Variants in DNAAF11 observed in about 807,000 individuals in gnomAD.
The protein encoded by DNAAF11 is dynein axonemal assembly factor 11.
DNAAF11 carries 45 observed loss-of-function variants against 60.8 expected under a neutral mutation model. That is an observed-to-expected ratio of 0.74 (90% confidence interval 0.58 to 0.95). The LOEUF (loss-of-function observed/expected upper bound fraction) is 0.95. Ranked by LOEUF, DNAAF11 falls within the 40% of genes least tolerant of loss-of-function variation. The pLI is 0.00. For missense variants in DNAAF11, 546 were observed against 546.2 expected (o/e 1.00, Z 0.00); for synonymous variants, 191 against 183.5 (o/e 1.04, Z -0.33).
chr8:132,625,021 T>A (rs1371151465), intron 6 of DNAAF11, among the ~76,000 whole-genome samples: 3 of 152,146 alleles, frequency 2.0e-5, no homozygotes, highest in Non-Finnish European at 4.4e-5. Context: ...ATATTAAAAG[T>A]GGTAAAAAGC....
intron 10 of DNAAF11, among the ~76,000 whole-genome samples, chr8:132,595,629 G>A (rs1204244749): frequency 6.6e-6 from 1 of 152,036 alleles, no homozygotes; most frequent in East Asian, 1.9e-4. Context: ...CCTGAGCACA[G>A]ACAAAAGACT....
chr8:132,641,344 C>T (rs1345591850), intron 3 of DNAAF11, among the ~76,000 whole-genome samples: 1 of 152,138 alleles, frequency 6.6e-6, no homozygotes, highest in Non-Finnish European at 1.5e-5. Flanking sequence ...ATTTTGTGTA[C>T]ATCCTTTGTC....
At chr8:132,675,191 C>T (rs925518889) in intron 1 of DNAAF11, 6 of 401,808 alleles carry the variant, frequency 1.5e-5, no homozygotes, top group African/African-American at 6.2e-5. Context: ...CCTGCACGTT[C>T]CCCGACCCCT....
rs559677169 is a variant in DNAAF11 at position 132,672,254 on chromosome 8, T to C, written c.10+3230A>G. ...CAGTAATACAAAATGCATTCAATAGTATAAAATTTAAGAATAAAGACACTA... is the reference window on the plus strand; with the variant it reads ...CAGTAATACAAAATGCATTCAATAGCATAAAATTTAAGAATAAAGACACTA... On this transcript the variant is annotated intron_variant, in intron 1 of 11. Transcript: ENST00000620350. Among the ~76,000 whole-genome samples, 269 of 152,236 alleles carry C rather than the reference T, an allele frequency of 1.8e-3. 1 individual carries two copies. Among genetic ancestry groups the C allele is most frequent in the African/African-American group, 4.8e-3 (200 of 41,542 alleles).
chr8:132,578,237 C>T (rs35804622), intron 11 of DNAAF11, among the ~76,000 whole-genome samples: 25,833 of 152,034 alleles, frequency 0.17, 3,557 homozygotes, highest in African/African-American at 0.38. Flanking sequence ...TTAGCTAGTA[C>T]ATTGTTATCT....
intron 10 of DNAAF11, among the ~76,000 whole-genome samples, chr8:132,589,141 GT>G (rs965609975): frequency 6.6e-6 from 1 of 152,170 alleles, no homozygotes; most frequent in African/African-American, 2.4e-5. Flanking sequence ...GGGCTGTGAG[GT>G]TTGATATGAA....
At position 132,627,929 on chromosome 8, in the gene DNAAF11, G is replaced by A. The variant is rs1008735727; in HGVS notation, c.654-2475C>T. 2.0e-5 allele frequency among the ~76,000 whole-genome samples: 3 copies of A among 152,144 alleles called. No homozygotes were observed. The South Asian group carries it at 6.2e-4, about 32-fold the overall frequency. On this transcript the variant is annotated intron_variant, in intron 5 of 11. Transcript: ENST00000620350. ...TTTGTCATTCTTGGAGACACTACAA[G>A]AGTCCTCCAAGTGTACTGTTCACTG... is the stretch of plus-strand genomic sequence containing the variant.
rs746227989 is a variant in DNAAF11, at chr8:132,661,489, T to C, written c.149A>G (p.Tyr50Cys). The change falls in exon 2 of 12, where the codon TAT becomes TGT. Residue 50 changes from tyrosine to cysteine, a missense_variant. Transcript: ENST00000620350. ...TTTCCCAATAAGATTATTTTGAAGA[T>C]AGAGAATTTTTAAATCCCGGCACCA... ...DKWCRDLKIL[Y>C]LQNNLIGKIE... The C allele has an allele frequency of 4.3e-6, 7 of 1,613,202 alleles. No homozygotes were observed. The highest frequency in any genetic ancestry group is 5.1e-6 in the Non-Finnish European group (6 of 1,179,532).
In DNAAF11 at chr8:132,602,744, A is replaced by AATATATAT. The variant is rs35316805; in HGVS notation, c.1140+7414_1140+7421dup. On this transcript the variant is annotated intron_variant, in intron 10 of 11. Transcript: ENST00000620350. The stretch of plus-strand genomic sequence containing the variant: ...TTTGCATACTGGATACTTAATTTGA[A>AATATATAT]ATATATATATATATATATATATATA... Among the ~76,000 whole-genome samples, 974 of 141,830 alleles carry AATATATAT rather than the reference A, an allele frequency of 6.9e-3. 6 individuals are homozygous for AATATATAT. The highest frequency in any genetic ancestry group is 0.021 in the African/African-American group (834 of 38,830). 93.0% of individuals were successfully genotyped at this position (141,830 alleles called of 152,430 possible). A position where few individuals can be genotyped will look rare whatever the true frequency, so the allele number is the denominator to read the frequency against.
At chr8:132,681,963 G>GTTGA in the DNAAF11 span, among the ~76,000 whole-genome samples, 1 of 152,158 alleles carries the variant, frequency 6.6e-6, no homozygotes, top group Admixed American at 6.5e-5. Flanking sequence ...AAAGTGTTTA[G>GTTGA]TTGATTGAAT....
chr8:132,631,396 G>T (rs933782144), intron 5 of DNAAF11, among the ~76,000 whole-genome samples: 2 of 152,186 alleles, frequency 1.3e-5, no homozygotes, highest in African/African-American at 4.8e-5. Context: ...GGGATAAATT[G>T]TAATTTATTC....
chr8:132,673,063 C>CA (rs1177178120), intron 1 of DNAAF11, among the ~76,000 whole-genome samples: 1 of 152,146 alleles, frequency 6.6e-6, no homozygotes, highest in East Asian at 1.9e-4. Flanking sequence ...TATTGGGAAG[C>CA]ACGGGGGAGA....
chr8:132,684,681 T>C, the DNAAF11 span, among the ~76,000 whole-genome samples: 3,263 of 152,348 alleles, frequency 0.021, 51 homozygotes, highest in Non-Finnish European at 0.033. Context: ...TAGAAACTGA[T>C]GACAAAGGCC....
the DNAAF11 span, among the ~76,000 whole-genome samples, chr8:132,697,303 G>A: frequency 5.9e-5 from 9 of 152,160 alleles, no homozygotes; most frequent in Non-Finnish European, 5.9e-5. Context: ...TGAAACAACT[G>A]AATGTTACCT....
intron 5 of DNAAF11, among the ~76,000 whole-genome samples, chr8:132,630,884 A>T (rs1005423955): frequency 6.6e-6 from 1 of 152,228 alleles, no homozygotes; most frequent in Non-Finnish European, 1.5e-5. Context: ...ATATCATATT[A>T]TCCAGTATTG....
chr8:132,593,742 A>G (rs576345601), intron 10 of DNAAF11, among the ~76,000 whole-genome samples: 2 of 152,152 alleles, frequency 1.3e-5, no homozygotes, highest in East Asian at 1.9e-4. Flanking sequence ...AGGCCTAAAA[A>G]CAGACCCTTC....
intron 5 of DNAAF11, among the ~76,000 whole-genome samples, chr8:132,628,074 A>G (rs1820452196): frequency 6.6e-6 from 1 of 152,124 alleles, no homozygotes; most frequent in Non-Finnish European, 1.5e-5. Flanking sequence ...TCTTCAAGAC[A>G]GCTCAAACCC....
At chr8:132,681,092 C>A in the DNAAF11 span, among the ~76,000 whole-genome samples, 2 of 131,554 alleles carry the variant, frequency 1.5e-5, no homozygotes, top group African/African-American at 5.7e-5. Flanking sequence ...CTCACTGGAA[C>A]CTCCACTTTC....
chr8:132,642,443 ACTTGC>A (rs1821952695), intron 3 of DNAAF11, among the ~76,000 whole-genome samples: 1 of 152,248 alleles, frequency 6.6e-6, no homozygotes, highest in South Asian at 2.1e-4. Context: ...GGCCCCAGGA[ACTTGC>A]CTGACCAACA....
Sources: allele counts gnomAD v4.1 joint callset (sites outside exome capture counted in the v4.1 genomes callset), GRCh38; gene constraint gnomAD v4.1.1; transcripts MANE v1.5; gene names NCBI Gene and HGNC (gene_info 2026-07-23, HGNC 2026-07-21).